Variants in ECT2L observed in about 807,000 individuals in gnomAD.
ECT2L encodes epithelial cell transforming 2 like.
Under a neutral mutation model 122.8 loss-of-function variants are expected in ECT2L, and 126 were observed. That is an observed-to-expected ratio of 1.03 (90% CI 0.89 to 1.19). ECT2L has a LOEUF of 1.19. Ranked by LOEUF, ECT2L falls within the 50% of genes most tolerant of loss-of-function variation. The pLI is 0.00. For missense variants in ECT2L, 1,012 were observed against 1,064.1 expected (o/e 0.95, Z 0.68); for synonymous variants, 385 against 381.8 (o/e 1.01, Z -0.10).
At chr6:138,873,894 G>GTGTGTGTGTGTGTGTA (rs369671157) in intron 13 of ECT2L, among the ~76,000 whole-genome samples, 4,754 of 145,822 alleles carry the variant, frequency 0.033, 137 homozygotes, top group African/African-American at 0.062. Flanking sequence ...GTGTGTGTGT[G>GTGTGTGTGTGTGTGTA]TGTGTGTGTG....
chr6:138,882,193 G>C (rs1778667567), intron 15 of ECT2L, among the ~76,000 whole-genome samples: 1 of 152,194 alleles, frequency 6.6e-6, no homozygotes, highest in African/African-American at 2.4e-5. Flanking sequence ...GTCCTTCCCT[G>C]AAGGTAACTC....
chr6:138,849,741 G>A (rs1777366403), intron 9 of ECT2L, among the ~76,000 whole-genome samples: 1 of 151,880 alleles, frequency 6.6e-6, no homozygotes, highest in Non-Finnish European at 1.5e-5. Flanking sequence ...GCTAATTTTT[G>A]TATTTTTTGT....
At chr6:138,872,190 G>A (rs1778280075) in intron 13 of ECT2L, among the ~76,000 whole-genome samples, 1 of 152,184 alleles carries the variant, frequency 6.6e-6, no homozygotes, top group Admixed American at 6.5e-5. Flanking sequence ...GCCCTTTACA[G>A]GTTGAAGCCC....
intron 20 of ECT2L, among the ~76,000 whole-genome samples, chr6:138,899,333 ATTAACTTG>A (rs1779319849): frequency 6.6e-6 from 1 of 152,220 alleles, no homozygotes; most frequent in Non-Finnish European, 1.5e-5. Context: ...AGTCCTATCC[ATTAACTTG>A]AAGTGATTTC....
In ECT2L at chr6:138,902,807, G is replaced by A; in HGVS notation, c.*180G>A. Reference sequence around the variant, plus strand: ...TTTATCACTTGTGCTCACTTATGTAGAATGTATAAGTACATTTTGAGTCCA... The same window carrying A: ...TTTATCACTTGTGCTCACTTATGTAAAATGTATAAGTACATTTTGAGTCCA... On this transcript the variant is annotated 3_prime_UTR_variant, in exon 22 of 22. Coordinates refer to ENST00000541398, the MANE Select transcript of ECT2L (RefSeq NM_001077706.3). 1 of 668,198 alleles carries A rather than the reference G, an allele frequency of 1.5e-6. No individual in the cohort carries two copies. Among genetic ancestry groups the A allele is most frequent in the Non-Finnish European group, 2.4e-6 (1 of 414,862 alleles). The allele number at this position is 668,198 out of a possible 1,614,324, so 41.4% of individuals were successfully genotyped here.
intron 20 of ECT2L, among the ~76,000 whole-genome samples, chr6:138,889,433 C>T (rs760775277): frequency 6.6e-5 from 10 of 152,152 alleles, no homozygotes; most frequent in Admixed American, 4.6e-4. Context: ...TATTCTCCTG[C>T]GTCAGCCTTC....
intron 10 of ECT2L, among the ~76,000 whole-genome samples, chr6:138,856,959 T>G (rs1185856223): frequency 1.3e-5 from 2 of 152,170 alleles, no homozygotes; most frequent in African/African-American, 2.4e-5. Flanking sequence ...CCAAGCAAAC[T>G]GAATCATATG....
At chr6:138,797,153 G>A (rs937060123) in intron 1 of ECT2L, among the ~76,000 whole-genome samples, 2 of 152,102 alleles carry the variant, frequency 1.3e-5, no homozygotes, top group Non-Finnish European at 2.9e-5. Context: ...CCATTGCTTA[G>A]TGTGTACTTA....
At chr6:138,876,332 C>A (rs374226617) in intron 13 of ECT2L, 140 bp from the exon 14 acceptor site, 1 of 553,748 alleles carries the variant, frequency 1.8e-6, no homozygotes, top group East Asian at 3.0e-5. Flanking sequence ...CATTTGCAAG[C>A]ACTTAACTCA....
intron 20 of ECT2L, among the ~76,000 whole-genome samples, chr6:138,890,805 T>C (rs1314539589): frequency 6.6e-6 from 1 of 152,132 alleles, no homozygotes; most frequent in African/African-American, 2.4e-5. Flanking sequence ...AAAAAATTTA[T>C]TGTTTGAAGG....
In ECT2L at chr6:138,876,535, A is replaced by G; in HGVS notation, c.1642A>G (p.Asn548Asp). The G allele has an allele frequency of 6.2e-7, 1 of 1,612,298 alleles. No homozygotes were observed. Among genetic ancestry groups the G allele is most frequent in the Non-Finnish European group, 8.5e-7 (1 of 1,178,590 alleles). The change falls in exon 14 of 22, where the codon AAT becomes GAT. Residue 548 changes from asparagine to aspartate, a missense_variant. Asn to Asp is a conservative substitution (Grantham distance 23). Coordinates refer to ENST00000541398, the MANE Select transcript of ECT2L (RefSeq NM_001077706.3). ...TKSRLSKNDL[N>D]FEALINLERI... ...GTCCAGGCTCAGCAAAAATGATTTA[A>G]ATTTTGAAGCACTGATTAATCTGGT...
At chr6:138,845,521 G>A (rs1474684059) in intron 7 of ECT2L, among the ~76,000 whole-genome samples, 1 of 152,132 alleles carries the variant, frequency 6.6e-6, no homozygotes, top group African/African-American at 2.4e-5. Flanking sequence ...TGGGATTACA[G>A]ACATGAGCCA....
chr6:138,836,934 T>C (rs1318173130), intron 4 of ECT2L, among the ~76,000 whole-genome samples: 1 of 152,156 alleles, frequency 6.6e-6, no homozygotes, highest in Non-Finnish European at 1.5e-5. Context: ...ACCCATCTTA[T>C]ACTTTCCTTG....
At chr6:138,846,448 A>C in intron 7 of ECT2L, 91 bp from the exon 8 acceptor site, 1 of 1,288,406 alleles carries the variant, frequency 7.8e-7, no homozygotes, top group Non-Finnish European at 1.0e-6. Context: ...CTTGTAGAGT[A>C]GAGCTGATGC....
intron 11 of ECT2L, among the ~76,000 whole-genome samples, chr6:138,863,702 G>A (rs996690621): frequency 1.4e-4 from 21 of 151,036 alleles, no homozygotes; most frequent in Admixed American, 1.3e-4. Flanking sequence ...TGCAACCTCC[G>A]CCTCCTGGGT....
chr6:138,819,553 T>A (rs1348252470), intron 4 of ECT2L, among the ~76,000 whole-genome samples: 1 of 152,138 alleles, frequency 6.6e-6, no homozygotes, highest in African/African-American at 2.4e-5. Context: ...TTTTCATCTC[T>A]AGCACTTAGA....
In ECT2L at chr6:138,902,742, T is replaced by C; in HGVS notation, c.*115T>C. 2.4e-6 allele frequency: 3 copies of C among 1,240,030 alleles called. No homozygotes were observed. Among genetic ancestry groups the C allele is most frequent in the Non-Finnish European group, 2.3e-6 (2 of 874,746 alleles). The allele number at this position is 1,240,030 out of a possible 1,614,324, so 76.8% of individuals were successfully genotyped here. On this transcript the variant is annotated 3_prime_UTR_variant, in exon 22 of 22. Transcript: ENST00000541398. ...AGAATAACTGTCATGGATGATGAGATAAACTAAGATGACCCATAGGATCTT... is the reference window on the plus strand; with the variant it reads ...AGAATAACTGTCATGGATGATGAGACAAACTAAGATGACCCATAGGATCTT...
chr6:138,869,600 A>G (rs1253812555), intron 13 of ECT2L, among the ~76,000 whole-genome samples: 4 of 152,232 alleles, frequency 2.6e-5, no homozygotes, highest in Non-Finnish European at 4.4e-5. Context: ...ATATTCACAG[A>G]GGTGCCCCCT....
intron 1 of ECT2L, among the ~76,000 whole-genome samples, chr6:138,804,959 C>T (rs545264053): frequency 1.3e-5 from 2 of 152,290 alleles, no homozygotes; most frequent in South Asian, 2.1e-4. Flanking sequence ...TCAGCACCAG[C>T]ATGCAGAATA....
Sources: gnomAD v4.1 joint callset for allele counts (sites outside exome capture counted in the v4.1 genomes callset) on GRCh38, gnomAD v4.1.1 for gene constraint, MANE v1.5 for transcripts, NCBI Gene and HGNC (gene_info 2026-07-23, HGNC 2026-07-21) for gene names.